The following DHRS7B variants were observed in gnomAD, a reference collection of about 807,000 sequenced individuals.
The protein encoded by DHRS7B is dehydrogenase/reductase 7B, also known as peroxisomal reductase activating PPAR-gamma.
In DHRS7B, 24 loss-of-function variants were observed where a neutral mutation model predicts 26.4. The ratio of observed to expected loss-of-function variants is 0.91; its 90% CI spans 0.66 to 1.28. The LOEUF is 1.28. DHRS7B is among the 50% of genes most tolerant of loss of function. DHRS7B has a pLI of 0.00. For missense variants in DHRS7B, 368 were observed against 419.4 expected, an observed-to-expected ratio of 0.88 and a Z score of 1.07; for synonymous variants, 142 against 166.4, an observed-to-expected ratio of 0.85 and a Z score of 1.13.
intron 1 of DHRS7B, among the ~76,000 whole-genome samples, chr17:21,143,883 A>G (rs952027471): frequency 3.3e-5 from 5 of 152,220 alleles, no homozygotes; most frequent in Admixed American, 3.3e-4. Flanking sequence ...TCTTTTTCAC[A>G]TCTGCTTTTC....
chr17:21,188,826 T>G lies in DHRS7B; in HGVS notation c.735T>G (p.Ser245=), dbSNP rs746675850. 1.2e-6 allele frequency: 2 copies of G among 1,614,188 alleles called. No individual in the cohort carries two copies. Among genetic ancestry groups the G allele is most frequent in the Non-Finnish European group, 1.7e-6 (2 of 1,180,032 alleles). ...ISPGYIHTNL[S]VNAITADGSR... ...CCGGCTACATCCACACCAACCTCTC[T>G]GTAAATGCCATCACCGCGGATGGAT... The change falls in exon 6 of 7, where the codon TCT becomes TCG. Residue 245 remains serine, a synonymous_variant. Coordinates refer to ENST00000395511, the MANE Select transcript of DHRS7B (RefSeq NM_015510.5).
chr17:21,167,445 C>A (rs564692004), intron 1 of DHRS7B, among the ~76,000 whole-genome samples: 1 of 152,202 alleles, frequency 6.6e-6, no homozygotes, highest in Non-Finnish European at 1.5e-5. Flanking sequence ...CTCTCCCTTC[C>A]TCACGCCAGT....
At chr17:21,148,291 C>CA (rs1409129169) in intron 1 of DHRS7B, among the ~76,000 whole-genome samples, 4 of 151,514 alleles carry the variant, frequency 2.6e-5, no homozygotes, top group Non-Finnish European at 2.9e-5. Context: ...ATAACACACA[C>CA]AAAAAAAATT....
At chr17:21,181,419 A>T (rs1187244788) in intron 3 of DHRS7B, among the ~76,000 whole-genome samples, 1 of 152,210 alleles carries the variant, frequency 6.6e-6, no homozygotes, top group African/African-American at 2.4e-5. Context: ...TCTAGTTTTC[A>T]AAGTCTGGAG....
intron 1 of DHRS7B, among the ~76,000 whole-genome samples, chr17:21,149,618 G>A (rs1388249428): frequency 6.6e-6 from 1 of 152,012 alleles, no homozygotes; most frequent in Non-Finnish European, 1.5e-5. Context: ...AAAATGTGGG[G>A]GGACGAGGAT....
chr17:21,147,109 G>T (rs1334389563), intron 1 of DHRS7B, among the ~76,000 whole-genome samples: 1 of 152,108 alleles, frequency 6.6e-6, no homozygotes, highest in Non-Finnish European at 1.5e-5. Flanking sequence ...TCTAGCAGTG[G>T]GATAATTATA....
chr17:21,137,615 G>A (rs957238264), intron 1 of DHRS7B, among the ~76,000 whole-genome samples: 3 of 152,120 alleles, frequency 2.0e-5, no homozygotes, highest in South Asian at 2.1e-4. Context: ...GTGCCACCAC[G>A]CCAGGCTAGT....
At chr17:21,142,415 A>G (rs956718685) in intron 1 of DHRS7B, among the ~76,000 whole-genome samples, 8 of 152,172 alleles carry the variant, frequency 5.3e-5, no homozygotes, top group Admixed American at 3.3e-4. Context: ...GCACCGGGCT[A>G]CCTGTCTTTA....
At chr17:21,134,622 CCA>C (rs1373193181) in intron 1 of DHRS7B, among the ~76,000 whole-genome samples, 1 of 152,182 alleles carries the variant, frequency 6.6e-6, no homozygotes, top group African/African-American at 2.4e-5. Context: ...GGTAAAATAA[CCA>C]GTTTCTCCAA....
At chr17:21,145,082 T>A (rs1429423886) in intron 1 of DHRS7B, among the ~76,000 whole-genome samples, 7 of 152,030 alleles carry the variant, frequency 4.6e-5, no homozygotes, top group African/African-American at 1.7e-4. Flanking sequence ...CCCAGCACTT[T>A]GGGAGGCCAA....
At chr17:21,168,846 GTGA>G in intron 1 of DHRS7B, 1 of 985,486 alleles carries the variant, frequency 1.0e-6, no homozygotes, top group Non-Finnish European at 1.2e-6. Context: ...AGGCTGGCCT[GTGA>G]TGTTGTGTCA....
At chr17:21,152,877 C>CA (rs1973802953) in intron 1 of DHRS7B, among the ~76,000 whole-genome samples, 1 of 152,082 alleles carries the variant, frequency 6.6e-6, no homozygotes, top group African/African-American at 2.4e-5. Context: ...ACAGGCTCAC[C>CA]AAAAAACTGA....
intron 1 of DHRS7B, among the ~76,000 whole-genome samples, chr17:21,141,271 A>G (rs182133978): frequency 1.3e-5 from 2 of 152,294 alleles, no homozygotes. Flanking sequence ...TTCTCAACTG[A>G]CAAAACTCAG....
intron 1 of DHRS7B, among the ~76,000 whole-genome samples, chr17:21,150,125 A>AT (rs199957355): frequency 6.7e-6 from 1 of 150,050 alleles, no homozygotes; most frequent in Non-Finnish European, 1.5e-5. Context: ...AAAAAAAAAA[A>AT]AAAAAAACTA....
At chr17:21,180,724 T>C (rs185126444) in intron 3 of DHRS7B, among the ~76,000 whole-genome samples, 2 of 152,144 alleles carry the variant, frequency 1.3e-5, no homozygotes, top group African/African-American at 4.8e-5. Flanking sequence ...CCATACTGTT[T>C]TAATTGCTGT....
At chr17:21,133,566 G>A (rs1222038304) in intron 1 of DHRS7B, among the ~76,000 whole-genome samples, 1 of 152,194 alleles carries the variant, frequency 6.6e-6, no homozygotes, top group African/African-American at 2.4e-5. Context: ...TGGGAGGCAG[G>A]TTTGCCCTGA....
chr17:21,160,779 A>T (rs916424621), intron 1 of DHRS7B, among the ~76,000 whole-genome samples: 1 of 152,240 alleles, frequency 6.6e-6, no homozygotes, highest in Non-Finnish European at 1.5e-5. Flanking sequence ...ACAGATGTTT[A>T]TAGCAGCTTT....
At chr17:21,148,718 C>A (rs775535365) in intron 1 of DHRS7B, among the ~76,000 whole-genome samples, 11 of 152,060 alleles carry the variant, frequency 7.2e-5, no homozygotes, top group Non-Finnish European at 1.5e-4. Context: ...TGCACTCCAG[C>A]CTAGGCGACA....
intron 1 of DHRS7B, chr17:21,128,961 A>G (rs1021153838): frequency 6.6e-6 from 1 of 152,106 alleles, no homozygotes; most frequent in African/African-American, 2.4e-5. Context: ...GAGCTAGTAA[A>G]GGCCGATCCA....
Sources: gnomAD v4.1 joint callset for allele counts (sites outside exome capture counted in the v4.1 genomes callset) on GRCh38, gnomAD v4.1.1 for gene constraint, MANE v1.5 for transcripts, NCBI Gene and HGNC (gene_info 2026-07-23, HGNC 2026-07-21) for gene names.